The following TBX18 variants were observed in gnomAD, a reference collection of about 807,000 sequenced individuals.
TBX18 encodes T-box transcription factor 18.
TBX18 carries 21 observed loss-of-function variants against 55.0 expected under a neutral mutation model. The ratio of observed to expected loss-of-function variants is 0.38; its 90% CI spans 0.27 to 0.55. The LOEUF (loss-of-function observed/expected upper bound fraction) is 0.55. TBX18 is among the 20% of genes least tolerant of loss of function. The pLI is 0.73. For synonymous variants in TBX18, 342 were observed against 326.1 expected, an observed-to-expected ratio of 1.05 and a Z score of -0.53; for missense variants, 840 against 799.6, an observed-to-expected ratio of 1.05 and a Z score of -0.61.
rs1240435451 is a variant in TBX18 at position 84,762,706 on chromosome 6, G to A, written c.335C>T (p.Ala112Val). Reference sequence around the variant, plus strand: ...CCCCTTGGGGGAGCCTCCCGGTGACGCCAGAGGGGAAGCTCCCTGCTGGAA... The same window carrying A: ...CCCCTTGGGGGAGCCTCCCGGTGACACCAGAGGGGAAGCTCCCTGCTGGAA... ...DGFQQGASPL[A>V]SPGGSPKGSP... Residue 112 changes from alanine to valine, a missense_variant, in exon 2 of 8, where the codon GCG (alanine) becomes GTG (valine). Ala to Val is a moderately conservative substitution (Grantham distance 64). Transcript: ENST00000369663. The A allele has an allele frequency of 1.9e-6, 3 of 1,610,890 alleles. No homozygotes were observed. Among genetic ancestry groups the A allele is most frequent in the East Asian group, 2.2e-5 (1 of 44,784 alleles).
chr6:84,762,536 C>T lies in TBX18; in HGVS notation c.497+8G>A, dbSNP rs371083383. 22 of 1,613,878 alleles carry T rather than the reference C, an allele frequency of 1.4e-5. No individual in the cohort carries two copies. Among genetic ancestry groups the T allele is most frequent in the Admixed American group, 1.2e-4 (7 of 60,016 alleles). ...AGGGAGGGGCGTCCACGCCAGCTTG[C>T]CCATTACCTGCCGGCCTTGGTGATG... On this transcript the variant is annotated splice_region_variant and intron_variant, in intron 2 of 7. Coordinates refer to ENST00000369663, the MANE Select transcript of TBX18 (RefSeq NM_001080508.3).
intron 4 of TBX18, among the ~76,000 whole-genome samples, chr6:84,754,764 C>G (rs1223089729): frequency 6.6e-6 from 1 of 152,184 alleles, no homozygotes. Context: ...TATCAGCAGA[C>G]TTTGAGAAAA....
intron 2 of TBX18, 91 bp downstream of exon 2, chr6:84,762,453 G>A (rs796507296): frequency 5.5e-6 from 8 of 1,449,706 alleles, no homozygotes; most frequent in Admixed American, 1.7e-5. Flanking sequence ...AACCCCCACC[G>A]AGCTGCAGGC....
chr6:84,753,342 G>GT (rs2127878165), intron 4 of TBX18, among the ~76,000 whole-genome samples: 1 of 151,886 alleles, frequency 6.6e-6, no homozygotes, highest in East Asian at 1.9e-4. Context: ...ATCATTTTGT[G>GT]TTAAATTAAT....
At chr6:84,750,558 CA>C (rs1767320465) in intron 4 of TBX18, among the ~76,000 whole-genome samples, 1 of 152,024 alleles carries the variant, frequency 6.6e-6, no homozygotes, top group Non-Finnish European at 1.5e-5. Flanking sequence ...ATTAATACTC[CA>C]ATTTATAGAT....
intron 4 of TBX18, among the ~76,000 whole-genome samples, chr6:84,749,338 C>G (rs1333767855): frequency 6.6e-6 from 1 of 152,158 alleles, no homozygotes; most frequent in Non-Finnish European, 1.5e-5. Flanking sequence ...GTTGGCCTGC[C>G]TTGTGTTTAT....
chr6:84,756,798 A>G lies in TBX18; in HGVS notation c.671T>C (p.Ile224Thr). ...ADSPVPPRVY[I>T]HPDSPASGET... Reference sequence around the variant, plus strand: ...CCCCGAGGCAGGCGAGTCTGGATGAATGTACACACGGGGTGGCACAGGCGA... The same window carrying G: ...CCCCGAGGCAGGCGAGTCTGGATGAGTGTACACACGGGGTGGCACAGGCGA... The change falls in exon 4 of 8, where the codon ATT becomes ACT. Residue 224 changes from isoleucine (I) to threonine (T), a missense_variant. Coordinates refer to ENST00000369663, the MANE Select transcript of TBX18 (RefSeq NM_001080508.3). The G allele has an allele frequency of 6.2e-7, 1 of 1,614,142 alleles. No individual in the cohort carries two copies. The highest frequency in any genetic ancestry group is 8.5e-7 in the Non-Finnish European group (1 of 1,180,034).
At chr6:84,751,552 G>T (rs1413801805) in intron 4 of TBX18, among the ~76,000 whole-genome samples, 1 of 152,116 alleles carries the variant, frequency 6.6e-6, no homozygotes, top group African/African-American at 2.4e-5. Flanking sequence ...TTTTATGATA[G>T]CATTATGTGC....
At position 84,736,345 on chromosome 6, in the gene TBX18, G is replaced by T. The variant is rs766151714; in HGVS notation, c.*340C>A. ...AAATTAAGTTATAAGTGTTCTTCTG[G>T]ATAGTATAATTGCCAAGTTTTAAGT... On this transcript the variant is annotated 3_prime_UTR_variant, in exon 8 of 8. Coordinates refer to ENST00000369663, the MANE Select transcript of TBX18 (RefSeq NM_001080508.3). 2.3e-5 allele frequency: 4 copies of T among 170,532 alleles called. No individual in the cohort carries two copies. The highest frequency in any genetic ancestry group is 9.5e-5 in the African/African-American group (4 of 42,150). The allele number at this position is 170,532 out of a possible 1,614,324, so 10.6% of individuals were successfully genotyped here.
intron 1 of TBX18, chr6:84,763,139 C>T: frequency 7.9e-6 from 3 of 379,996 alleles, no homozygotes; most frequent in South Asian, 4.4e-5. Flanking sequence ...GTGCAAACTC[C>T]GACGCAACCT....
At chr6:84,746,126 T>C (rs1444881119) in intron 5 of TBX18, among the ~76,000 whole-genome samples, 1 of 152,108 alleles carries the variant, frequency 6.6e-6, no homozygotes, top group African/African-American at 2.4e-5. Flanking sequence ...GTTCACTAAT[T>C]TGTGTTAGTC....
chr6:84,762,177 GT>G (rs1294545537), intron 2 of TBX18, among the ~76,000 whole-genome samples: 1 of 151,836 alleles, frequency 6.6e-6, no homozygotes, highest in Non-Finnish European at 1.5e-5. Context: ...AAAAAAGAAT[GT>G]TTCCTAGTTC....
chr6:84,761,395 T>C (rs2127881909), intron 2 of TBX18, among the ~76,000 whole-genome samples: 1 of 152,326 alleles, frequency 6.6e-6, no homozygotes, highest in South Asian at 2.1e-4. Context: ...GTTTTAGTAT[T>C]ATTTCAGTGC....
intron 4 of TBX18, among the ~76,000 whole-genome samples, chr6:84,750,457 C>T (rs145124279): frequency 6.6e-6 from 1 of 152,226 alleles, no homozygotes; most frequent in East Asian, 1.9e-4. Context: ...CTATTTACCG[C>T]CCTCCAATTA....
chr6:84,744,147 G>T, intron 6 of TBX18, 114 bp downstream of exon 6: 1 of 969,710 alleles, frequency 1.0e-6, no homozygotes. Context: ...GTCCTCATCA[G>T]AAATGATTTC....
chr6:84,762,603 G>T lies in TBX18; in HGVS notation c.438C>A (p.Ala146=), dbSNP rs767135395. 11 of 1,613,746 alleles carry T rather than the reference G, an allele frequency of 6.8e-6. No individual in the cohort carries two copies. In the Admixed American group the frequency reaches 1.7e-4, roughly 24 times the overall value. The change falls in exon 2 of 8, where the codon GCC becomes GCA. Residue 146 remains alanine (A), a synonymous_variant. Transcript: ENST00000369663. ...TCTCATGAAAGCGCTTCCAGAGCTC[G>T]GCTCCCTGCAGATCCACCCGCGGGG... ...PQAPRVDLQG[A]ELWKRFHEIG...
rs528505626 is a variant in TBX18 at position 84,764,041 on chromosome 6, C to T, written c.141G>A (p.Ala47=). The change falls in exon 1 of 8, where the codon GCG becomes GCA. Residue 47 remains alanine, a synonymous_variant. Coordinates refer to ENST00000369663, the MANE Select transcript of TBX18 (RefSeq NM_001080508.3). ...KRRKLGAEEA[A]GAVDDGGCSR... is the part of the protein sequence containing the mutation. ...TGCAGCCTCCGTCGTCCACGGCCCC[C>T]GCCGCCTCTTCGGCGCCCAGTTTTC... 1.3e-6 allele frequency: 2 copies of T among 1,556,884 alleles called. No individual in the cohort carries two copies. The highest frequency in any genetic ancestry group is 1.7e-6 in the Non-Finnish European group (2 of 1,154,218).
intron 5 of TBX18, among the ~76,000 whole-genome samples, chr6:84,746,407 A>G (rs901820993): frequency 3.4e-5 from 5 of 147,630 alleles, no homozygotes; most frequent in Non-Finnish European, 7.5e-5. Flanking sequence ...TATACTAAAT[A>G]TAATTATATT....
chr6:84,761,273 AGTT>A (rs1172711400), intron 2 of TBX18, among the ~76,000 whole-genome samples: 6 of 152,202 alleles, frequency 3.9e-5, no homozygotes, highest in South Asian at 4.1e-4. Flanking sequence ...AAATTTTAGT[AGTT>A]ATTTACCAAA....
Sources: allele counts gnomAD v4.1 joint callset (sites outside exome capture counted in the v4.1 genomes callset), GRCh38; gene constraint gnomAD v4.1.1; transcripts MANE v1.5; gene names NCBI Gene and HGNC (gene_info 2026-07-23, HGNC 2026-07-21).